The following U2AF2 variants were observed in gnomAD, a reference collection of about 807,000 sequenced individuals.
U2AF2 encodes splicing factor U2AF 65 kDa subunit.
In U2AF2, 6 loss-of-function variants were observed where a neutral mutation model predicts 52.6. The ratio of observed to expected loss-of-function variants is 0.11; its 90% CI spans 0.06 to 0.23. The LOEUF (loss-of-function observed/expected upper bound fraction) is 0.23. Among genes scored for constraint, U2AF2 ranks in the 10% least tolerant of loss-of-function variants. The pLI, the probability that U2AF2 is intolerant of heterozygous loss-of-function variation, is 1.00. For missense variants in U2AF2, 222 were observed against 677.1 expected (o/e 0.33, Z 7.46); for synonymous variants, 284 against 258.2 (o/e 1.10, Z -0.96).
intron 7 of U2AF2, among the ~76,000 whole-genome samples, chr19:55,664,428 A>C (rs568769988): frequency 1.8e-4 from 28 of 152,238 alleles, no homozygotes; most frequent in Non-Finnish European, 3.1e-4. Flanking sequence ...CAGGATGTGC[A>C]AAACCAGGTG....
intron 1 of U2AF2, among the ~76,000 whole-genome samples, chr19:55,655,894 A>G (rs891161024): frequency 6.6e-6 from 1 of 152,206 alleles, no homozygotes; most frequent in African/African-American, 2.4e-5. Context: ...GAATCGCGAT[A>G]TGGAGTGTTT....
At position 55,668,475 on chromosome 19, in the gene U2AF2, G is replaced by A; in HGVS notation, c.743-32G>A. On this transcript the variant is annotated intron_variant, in intron 7 of 11. Transcript: ENST00000308924. The surrounding 1 kb of genome is among the most constrained non-coding windows in gnomAD (Gnocchi z 5.5). ...AGGTTTTGGGAGATAACCTGGTACT[G>A]GAATTGAAGTCCTCCTCTTCTCTAC... 1 of 1,543,510 alleles carries A rather than the reference G, an allele frequency of 6.5e-7. No homozygotes were observed. The highest frequency in any genetic ancestry group is 8.8e-7 in the Non-Finnish European group (1 of 1,141,450).
intron 1 of U2AF2, among the ~76,000 whole-genome samples, chr19:55,657,137 A>G (rs1030640554): frequency 1.3e-5 from 2 of 152,190 alleles, no homozygotes; most frequent in African/African-American, 4.8e-5. Context: ...AGGCTCTCAG[A>G]TGGTGCTTCA....
chr19:55,673,990 G>C lies in U2AF2; in HGVS notation c.1350G>C (p.Thr450=), dbSNP rs372225276. The C allele has an allele frequency of 5.0e-6, 8 of 1,613,974 alleles. No individual in the cohort carries two copies. Among genetic ancestry groups the C allele is most frequent in the Middle Eastern group, 1.6e-4 (1 of 6,084 alleles). ...GCCAGAAAGCCATGCAGGGCCTGAC[G>C]GGCCGCAAGTTCGCCAACAGAGTGG... is the stretch of plus-strand genomic sequence containing the variant. ...FDCQKAMQGL[T]GRKFANRVVV... Residue 450 remains threonine, a synonymous_variant, in exon 12 of 12, where the codon ACG becomes ACC. Transcript: ENST00000308924.
intron 11 of U2AF2, among the ~76,000 whole-genome samples, chr19:55,672,630 A>T (rs975903494): frequency 1.3e-5 from 2 of 152,160 alleles, no homozygotes; most frequent in Non-Finnish European, 2.9e-5. Flanking sequence ...AGATAACCTT[A>T]AAAAATTGTT....
At chr19:55,663,319 G>A (rs572640967) in intron 6 of U2AF2, among the ~76,000 whole-genome samples, 1 of 152,180 alleles carries the variant, frequency 6.6e-6, no homozygotes, top group Non-Finnish European at 1.5e-5. Flanking sequence ...AACCTTTCCC[G>A]TAACATCCCT....
At chr19:55,665,541 C>G (rs1257950515) in intron 7 of U2AF2, among the ~76,000 whole-genome samples, 2 of 143,410 alleles carry the variant, frequency 1.4e-5, no homozygotes, top group African/African-American at 5.2e-5. Context: ...TTCTACGACA[C>G]AGGGATTGGC....
At chr19:55,658,202 G>A (rs529356902) in intron 1 of U2AF2, among the ~76,000 whole-genome samples, 44 of 152,256 alleles carry the variant, frequency 2.9e-4, no homozygotes, top group Admixed American at 9.8e-4. Flanking sequence ...GCACCTTAAC[G>A]TGTGCATCTG....
chr19:55,656,902 G>A (rs1419601070), intron 1 of U2AF2, among the ~76,000 whole-genome samples: 1 of 152,230 alleles, frequency 6.6e-6, no homozygotes, highest in East Asian at 1.9e-4. Context: ...TCAGAGTTGG[G>A]AAAGGGCAGG....
Position 55,661,162 on chromosome 19 carries a change from G to T in U2AF2, c.459G>T (p.Val153=), listed in dbSNP as rs73936311. Residue 153 remains valine, a synonymous_variant, in exon 5 of 12, where the codon GTG becomes GTT. Transcript: ENST00000308924. ...CCAGACAAGCCCGGCGCCTCTACGT[G>T]GGCAACATCCCCTTTGGCATCACTG... ...QMTRQARRLY[V]GNIPFGITEE... 3.8e-3 allele frequency: 6,075 copies of T among 1,609,876 alleles called. 214 individuals are homozygous for T. In the African/African-American group the frequency reaches 0.07, roughly 19 times the overall value.
Position 55,668,939 on chromosome 19 carries a change from G to A in U2AF2, c.946-144G>A, listed in dbSNP as rs2123692832. ...GTGTGTGGGCTCGTCCCTGTCCCATGGCGTTGGCTTTTTCCAGGCTCTTAA... is the reference window on the plus strand; with the variant it reads ...GTGTGTGGGCTCGTCCCTGTCCCATAGCGTTGGCTTTTTCCAGGCTCTTAA... On this transcript the variant is annotated intron_variant, in intron 9 of 11. Transcript: ENST00000308924. This position sits in a 1 kb window ranked among gnomAD's most constrained non-coding sequence, Gnocchi z 5.5. 6.7e-7 allele frequency: 1 copy of A among 1,497,824 alleles called. No homozygotes were observed. Among genetic ancestry groups the A allele is most frequent in the East Asian group, 2.3e-5 (1 of 43,384 alleles). The allele number at this position is 1,497,824 out of a possible 1,614,324, so 92.8% of individuals were successfully genotyped here. A position where few individuals can be genotyped will look rare whatever the true frequency, so the allele number is the denominator to read the frequency against.
intron 5 of U2AF2, chr19:55,661,453 CACGTGTTGTACCT>C (rs999598327): frequency 6.7e-6 from 3 of 449,864 alleles, no homozygotes; most frequent in Non-Finnish European, 1.2e-5. Flanking sequence ...ATAATGTACC[CACGTGTTGTACCT>C]ACGTGTCGGA....
Position 55,662,954 on chromosome 19 carries a change from T to C in U2AF2, c.603+336T>C, listed in dbSNP as rs760377749. Among the ~76,000 whole-genome samples the C allele has an allele frequency of 1.6e-4, 25 of 152,232 alleles. No homozygotes were observed. The Middle Eastern group carries it at 0.014, about 83-fold the overall frequency. Reference sequence around the variant, plus strand: ...TCCTGCCTGCTTGGCTAGAGTTCTTTACACCAGCTAACTGATGTTCCTAAC... The same window carrying C: ...TCCTGCCTGCTTGGCTAGAGTTCTTCACACCAGCTAACTGATGTTCCTAAC... On this transcript the variant is annotated intron_variant, in intron 6 of 11. Transcript: ENST00000308924.
At position 55,668,615 on chromosome 19, in the gene U2AF2, T is replaced by TCCCC; in HGVS notation, c.822+32_822+35dup. ...ACTTCCCTGCCTCCCTCCAGACCCG[T>TCCCC]CCCCCCACCCCGCCCCACCTCATCC... On this transcript the variant is annotated intron_variant, in intron 8 of 11. Transcript: ENST00000308924. This position sits in a 1 kb window ranked among gnomAD's most constrained non-coding sequence, Gnocchi z 5.5. 4 of 1,514,016 alleles carry TCCCC rather than the reference T, an allele frequency of 2.6e-6. No homozygotes were observed. Among genetic ancestry groups the TCCCC allele is most frequent in the Non-Finnish European group, 3.6e-6 (4 of 1,097,230 alleles). 93.8% of individuals were successfully genotyped at this position (1,514,016 alleles called of 1,614,324 possible). A position where few individuals can be genotyped will look rare whatever the true frequency, so the allele number is the denominator to read the frequency against.
At chr19:55,665,158 G>A (rs941606002) in intron 7 of U2AF2, among the ~76,000 whole-genome samples, 28 of 152,174 alleles carry the variant, frequency 1.8e-4, no homozygotes, top group Non-Finnish European at 2.9e-4. Flanking sequence ...TCTTCCCCAC[G>A]TCTCTTCCTG....
intron 11 of U2AF2, among the ~76,000 whole-genome samples, chr19:55,673,393 TC>T (rs1486732214): frequency 1.3e-5 from 2 of 152,148 alleles, no homozygotes; most frequent in African/African-American, 4.8e-5. Flanking sequence ...TTTTCAGTGT[TC>T]GTGTAGGCTC....
At chr19:55,667,415 A>G (rs1035601436) in intron 7 of U2AF2, among the ~76,000 whole-genome samples, 3 of 152,160 alleles carry the variant, frequency 2.0e-5, no homozygotes, top group African/African-American at 7.2e-5. Context: ...GGGGCCTGGC[A>G]TAGCTGATAT....
At chr19:55,669,791 T>A in intron 11 of U2AF2, 99 bp downstream of exon 11, 1 of 1,445,804 alleles carries the variant, frequency 6.9e-7, no homozygotes, top group South Asian at 1.4e-5. Flanking sequence ...CTCCCCCTCC[T>A]CTTCTCCGCG....
At chr19:55,657,343 G>A (rs574643521) in intron 1 of U2AF2, among the ~76,000 whole-genome samples, 1 of 152,346 alleles carries the variant, frequency 6.6e-6, no homozygotes, top group East Asian at 1.9e-4. Context: ...CTCTGCCCGC[G>A]TGTCACTGCC....
Sources: allele counts gnomAD v4.1 joint callset (sites outside exome capture counted in the v4.1 genomes callset), GRCh38; gene constraint gnomAD v4.1.1; non-coding constraint Gnocchi (gnomAD v3.1); transcripts MANE v1.5; gene names NCBI Gene and HGNC (gene_info 2026-07-23, HGNC 2026-07-21).